Variants in CAPN8 observed in about 807,000 individuals in gnomAD.
CAPN8 encodes calpain 8.
In CAPN8, 87 loss-of-function variants were observed where a neutral mutation model predicts 80.9. The ratio of observed to expected loss-of-function variants is 1.07; its 90% confidence interval spans 0.90 to 1.28. CAPN8 has a LOEUF of 1.28. Ranked by LOEUF, CAPN8 falls within the 50% of genes most tolerant of loss-of-function variation. The probability of loss-of-function intolerance (pLI) is 0.00; values close to 1 mark genes in which losing one functional copy is unlikely to be tolerated. For synonymous variants in CAPN8, 299 were observed against 273.8 expected (o/e 1.09, Z -0.91); for missense variants, 757 against 702.0 (o/e 1.08, Z -0.89).
chr1:223,622,099 C>T (rs978180753), intron 7 of CAPN8, among the ~76,000 whole-genome samples: 2 of 152,204 alleles, frequency 1.3e-5, no homozygotes, highest in African/African-American at 4.8e-5. Flanking sequence ...AGCCACTGTA[C>T]CCAGCTGAGA....
At chr1:223,655,425 C>T (rs1205817538) in intron 1 of CAPN8, among the ~76,000 whole-genome samples, 2 of 152,144 alleles carry the variant, frequency 1.3e-5, no homozygotes, top group African/African-American at 2.4e-5. Flanking sequence ...CTTTGTTTAC[C>T]CAGCAAGGAT....
At chr1:223,616,187 TGAG>T (rs939505169) in intron 9 of CAPN8, 42 bp from the exon 10 acceptor site, 1 of 1,519,274 alleles carries the variant, frequency 6.6e-7, no homozygotes, top group Admixed American at 2.1e-5. Flanking sequence ...ACGTAGCGGG[TGAG>T]GAGATGAAGA....
chr1:223,616,217 G>A (rs754057914), intron 9 of CAPN8, 72 bp from the exon 10 acceptor site: 179 of 1,448,918 alleles, frequency 1.2e-4, no homozygotes, highest in Non-Finnish European at 1.6e-4. Context: ...AAGTAAAAGG[G>A]AAGAAACTTG....
chr1:223,552,998 C>T (rs1172946423), intron 14 of CAPN8, among the ~76,000 whole-genome samples: 3 of 152,102 alleles, frequency 2.0e-5, no homozygotes, highest in African/African-American at 7.2e-5. Flanking sequence ...GGAACTGTTC[C>T]CAGGTTTTAT....
At chr1:223,633,539 G>A (rs549119890) in intron 2 of CAPN8, among the ~76,000 whole-genome samples, 1 of 152,296 alleles carries the variant, frequency 6.6e-6, no homozygotes, top group Admixed American at 6.5e-5. Context: ...GCAGGCACCT[G>A]TAGTACCAGC....
At chr1:223,650,528 C>A (rs545251721) in intron 2 of CAPN8, among the ~76,000 whole-genome samples, 1 of 152,308 alleles carries the variant, frequency 6.6e-6, no homozygotes, top group Middle Eastern at 3.4e-3. Context: ...GAGGGAAAGT[C>A]TGGAATCATT....
At chr1:223,628,618 G>C (rs765886306) in intron 3 of CAPN8, 44 bp downstream of exon 3, 1 of 1,453,422 alleles carries the variant, frequency 6.9e-7, no homozygotes, top group African/African-American at 1.4e-5. Context: ...TGAGCCCTAA[G>C]AATACGGAAA....
intron 1 of CAPN8, among the ~76,000 whole-genome samples, chr1:223,659,166 G>T (rs1409249936): frequency 6.6e-6 from 1 of 152,192 alleles, no homozygotes; most frequent in Non-Finnish European, 1.5e-5. Context: ...TATCAGTCAA[G>T]AATCCAAGGC....
chr1:223,557,099 T>C (rs924892065), intron 13 of CAPN8, among the ~76,000 whole-genome samples: 96,346 of 152,038 alleles, frequency 0.63, 31,505 homozygotes, highest in Non-Finnish European at 0.72. Context: ...GTTCAGAAAC[T>C]AACTGGAATA....
intron 16 of CAPN8, among the ~76,000 whole-genome samples, chr1:223,545,918 G>A (rs543904909): frequency 6.8e-6 from 1 of 147,006 alleles, no homozygotes; most frequent in South Asian, 2.2e-4. Context: ...CTGCCTCCAG[G>A]GTTCAAGCAA....
At chr1:223,615,381 C>T (rs1010227513) in intron 10 of CAPN8, among the ~76,000 whole-genome samples, 1 of 152,194 alleles carries the variant, frequency 6.6e-6, no homozygotes, top group African/African-American at 2.4e-5. Flanking sequence ...GCTGTTAAGT[C>T]TGTAGAGGGG....
At chr1:223,628,250 T>G (rs868324656) in intron 3 of CAPN8, 108 bp from the exon 4 acceptor site, 10 of 1,310,996 alleles carry the variant, frequency 7.6e-6, no homozygotes, top group Non-Finnish European at 1.0e-5. Flanking sequence ...GTTCGAGTCT[T>G]GGCTCCTTAG....
At chr1:223,551,153 G>A (rs1202371397) in intron 14 of CAPN8, 136 bp from the exon 15 acceptor site, 1 of 566,864 alleles carries the variant, frequency 1.8e-6, no homozygotes, top group African/African-American at 1.9e-5. Flanking sequence ...TTTGTTTTTT[G>A]TTTTTTTTTG....
At position 223,616,046 on chromosome 1, in the gene CAPN8, C is replaced by A; in HGVS notation, c.1235G>T (p.Gly412Val). 1 of 1,552,316 alleles carries A rather than the reference C, an allele frequency of 6.4e-7. No homozygotes were observed. Among genetic ancestry groups the A allele is most frequent in the Non-Finnish European group, 8.7e-7 (1 of 1,147,128 alleles). The change falls in exon 10 of 21, where the codon GGC (glycine) becomes GTC (valine). Residue 412 changes from glycine to valine, a missense_variant. Physicochemically the swap from Gly to Val is moderately radical, Grantham distance 109. Coordinates refer to ENST00000366872, the MANE Select transcript of CAPN8 (RefSeq NM_001143962.2). ...CCACCTGCGATTTTTCTGCATCAGGCCCAGCAGCACTGTACAGCAGGGTTC... is the reference window on the plus strand; with the variant it reads ...CCACCTGCGATTTTTCTGCATCAGGACCAGCAGCACTGTACAGCAGGGTTC... Reference protein sequence around the residue: ...IGEPCCTVLLGLMQKNRRWRK... With the variant: ...IGEPCCTVLLVLMQKNRRWRK...
intron 13 of CAPN8, among the ~76,000 whole-genome samples, chr1:223,555,989 A>G (rs1235471941): frequency 6.6e-6 from 1 of 152,246 alleles, no homozygotes; most frequent in East Asian, 1.9e-4. Flanking sequence ...AATCTATATG[A>G]AAATGCTTTG....
chr1:223,543,594 C>T (rs979309593), intron 19 of CAPN8, among the ~76,000 whole-genome samples: 2 of 152,088 alleles, frequency 1.3e-5, no homozygotes, highest in Admixed American at 6.6e-5. Flanking sequence ...AGGAAAAATC[C>T]CTTCCTAATA....
At position 223,628,661 on chromosome 1, in the gene CAPN8, C is replaced by T. The variant is rs1318420500; in HGVS notation, c.426+1G>A. ...CAAAGGGCCAGAGCAGAGCACAGTA[C>T]CTGAAAGTGAAAGATTCCCGCATAG... On this transcript the variant is annotated splice_donor_variant, in intron 3 of 20. Coordinates refer to ENST00000366872, the MANE Select transcript of CAPN8 (RefSeq NM_001143962.2). LOFTEE classifies it high-confidence loss of function. The T allele has an allele frequency of 6.5e-7, 1 of 1,549,068 alleles. No individual in the cohort carries two copies.
In CAPN8 at chr1:223,544,770, A is replaced by G; in HGVS notation, c.1912+2T>C. On this transcript the variant is annotated splice_donor_variant, in intron 18 of 20. Coordinates refer to ENST00000366872, the MANE Select transcript of CAPN8 (RefSeq NM_001143962.2). LOFTEE classifies it high-confidence loss of function. ...GACCCTGTCTACAGGATGTGTCCTC[A>G]CCTGCCTTCCTGAGGGCTGTCCTCA... 1 of 1,551,656 alleles carries G rather than the reference A, an allele frequency of 6.4e-7. No individual in the cohort carries two copies. Among genetic ancestry groups the G allele is most frequent in the Non-Finnish European group, 8.7e-7 (1 of 1,146,972 alleles).
At position 223,609,197 on chromosome 1, in the gene CAPN8, G is replaced by A. The variant is rs1452299907; in HGVS notation, c.1491C>T (p.Gly497=). The A allele has an allele frequency of 1.5e-5, 6 of 398,332 alleles. No individual in the cohort carries two copies. Among genetic ancestry groups the A allele is most frequent in the South Asian group, 1.3e-4 (1 of 7,834 alleles). The allele number at this position is 398,332 out of a possible 1,614,324, so 24.7% of individuals were successfully genotyped here. A position where few individuals can be genotyped will look rare whatever the true frequency, so the allele number is the denominator to read the frequency against. Residue 497 remains glycine (G), a synonymous_variant, in exon 12 of 21, where the codon GGC becomes GGT. Coordinates refer to ENST00000366872, the MANE Select transcript of CAPN8 (RefSeq NM_001143962.2). ...VPSTFEPFKD[G]EFCLRVFSEK... is the part of the protein sequence containing the mutation. ...CTGAGAACACTCTCAAGCAGAACTC[G>A]CCGTCTTTGAAGGGTTCAAATGTGG...
Sources: gnomAD v4.1 joint callset for allele counts (sites outside exome capture counted in the v4.1 genomes callset) on GRCh38, gnomAD v4.1.1 for gene constraint, MANE v1.5 for transcripts, NCBI Gene and HGNC (gene_info 2026-07-23, HGNC 2026-07-21) for gene names.